Variants in YAP1 observed in about 807,000 individuals in gnomAD.
YAP1 encodes the protein transcriptional coactivator YAP1.
YAP1 carries 5 observed loss-of-function variants against 56.9 expected under a neutral mutation model. The observed-to-expected ratio is 0.09, with a 90% confidence interval of 0.05 to 0.18. The LOEUF (loss-of-function observed/expected upper bound fraction) is 0.18. Among genes scored for constraint, YAP1 ranks in the 10% least tolerant of loss-of-function variants. YAP1 has a pLI of 1.00. For missense variants in YAP1, 539 were observed against 651.8 expected (o/e 0.83, Z 1.88); for synonymous variants, 265 against 248.1 (o/e 1.07, Z -0.64).
intron 2 of YAP1, among the ~76,000 whole-genome samples, chr11:102,129,816 T>TC (rs1314303629): frequency 1.1e-4 from 17 of 149,302 alleles, no homozygotes; most frequent in Admixed American, 2.0e-4. Flanking sequence ...TTTTTTTTTT[T>TC]CGAAATGGGG....
intron 3 of YAP1, among the ~76,000 whole-genome samples, chr11:102,180,090 A>G (rs1183647364): frequency 6.8e-6 from 1 of 147,774 alleles, no homozygotes; most frequent in Non-Finnish European, 1.5e-5. Context: ...GCTCACTGCA[A>G]CCTCCAACTC....
At chr11:102,159,617 G>A (rs576055750) in intron 2 of YAP1, among the ~76,000 whole-genome samples, 3 of 152,272 alleles carry the variant, frequency 2.0e-5, no homozygotes, top group African/African-American at 7.2e-5. Flanking sequence ...TGAAATTTTT[G>A]AGGGCTTTTT....
intron 2 of YAP1, among the ~76,000 whole-genome samples, chr11:102,136,651 C>T (rs1944691797): frequency 6.6e-6 from 1 of 152,114 alleles, no homozygotes; most frequent in Non-Finnish European, 1.5e-5. Flanking sequence ...CTGCACCGGG[C>T]TCATTTTTCT....
At chr11:102,124,730 T>C (rs974307981) in intron 2 of YAP1, among the ~76,000 whole-genome samples, 1 of 152,140 alleles carries the variant, frequency 6.6e-6, no homozygotes, top group African/African-American at 2.4e-5. Context: ...TTTTGTTTTC[T>C]TTTGTTTCTG....
chr11:102,227,410 T>C, intron 7 of YAP1, 59 bp from the exon 8 acceptor site: 1 of 1,199,362 alleles, frequency 8.3e-7, no homozygotes, highest in Non-Finnish European at 1.2e-6. Context: ...TGTTTATTTT[T>C]ACCTTGAATT....
chr11:102,131,504 A>T (rs1944365984), intron 2 of YAP1, among the ~76,000 whole-genome samples: 2 of 152,186 alleles, frequency 1.3e-5, no homozygotes, highest in Admixed American at 6.5e-5. Context: ...ATAAAGAGAG[A>T]TCTTGCTGTC....
chr11:102,140,191 T>TAA (rs10692005), intron 2 of YAP1, among the ~76,000 whole-genome samples: 73,779 of 149,318 alleles, frequency 0.49, 19,987 homozygotes, highest in South Asian at 0.69. Context: ...TCTGTCCCTG[T>TAA]AAAAAAAAAA....
chr11:102,206,114 G>T, intron 5 of YAP1, 40 bp downstream of exon 5: 1 of 1,574,822 alleles, frequency 6.3e-7, no homozygotes, highest in South Asian at 1.2e-5. Flanking sequence ...CACTTTTGGG[G>T]GTTTGTTTTC....
chr11:102,174,305 C>A (rs1018449367), intron 3 of YAP1, among the ~76,000 whole-genome samples: 10 of 151,902 alleles, frequency 6.6e-5, no homozygotes, highest in Non-Finnish European at 1.2e-4. Context: ...TTTCTTAAAT[C>A]TATTATTTAC....
intron 3 of YAP1, among the ~76,000 whole-genome samples, chr11:102,170,591 T>C (rs537510012): frequency 6.6e-6 from 1 of 152,204 alleles, no homozygotes; most frequent in Non-Finnish European, 1.5e-5. Context: ...AGCACAGATA[T>C]CAAATATTTT....
At chr11:102,213,358 C>T (rs192083721) in intron 6 of YAP1, among the ~76,000 whole-genome samples, 3 of 152,182 alleles carry the variant, frequency 2.0e-5, no homozygotes, top group East Asian at 1.9e-4. Context: ...GTGGGGCGGG[C>T]GCCTTTAATC....
intron 3 of YAP1, among the ~76,000 whole-genome samples, chr11:102,179,241 T>G (rs1947443791): frequency 6.6e-6 from 1 of 152,130 alleles, no homozygotes; most frequent in African/African-American, 2.4e-5. Context: ...AAGAAGACTT[T>G]GGTATTGGTG....
At chr11:102,200,226 G>T (rs919106257) in intron 4 of YAP1, among the ~76,000 whole-genome samples, 1 of 152,152 alleles carries the variant, frequency 6.6e-6, no homozygotes, top group Non-Finnish European at 1.5e-5. Context: ...CTATGATAAA[G>T]ATGAGGGGAA....
intron 2 of YAP1, among the ~76,000 whole-genome samples, chr11:102,126,088 T>G (rs1011524134): frequency 6.6e-6 from 1 of 152,040 alleles, no homozygotes; most frequent in Non-Finnish European, 1.5e-5. Context: ...CAGGTCTGTT[T>G]CTCTGAAATC....
At chr11:102,157,226 C>T (rs1026933307) in intron 2 of YAP1, among the ~76,000 whole-genome samples, 2 of 152,156 alleles carry the variant, frequency 1.3e-5, no homozygotes, top group African/African-American at 4.8e-5. Context: ...ATAGTATATG[C>T]ATAATCACTG....
In YAP1 at chr11:102,140,319, A is replaced by G. The variant is rs188531525; in HGVS notation, c.573-22137A>G. ...TTTCATTTCAAGAAAGCAACAATTGATAGGAATTATGTTTTGAGGATTGAA... is the reference window on the plus strand; with the variant it reads ...TTTCATTTCAAGAAAGCAACAATTGGTAGGAATTATGTTTTGAGGATTGAA... On this transcript the variant is annotated intron_variant, in intron 2 of 8. Coordinates refer to ENST00000282441, the MANE Select transcript of YAP1 (RefSeq NM_001130145.3). Among the ~76,000 whole-genome samples, 30 of 152,294 alleles carry G rather than the reference A, an allele frequency of 2.0e-4. 1 individual carries two copies. In the East Asian group the frequency reaches 5.0e-3, roughly 25 times the overall value.
intron 2 of YAP1, among the ~76,000 whole-genome samples, chr11:102,119,058 G>C (rs1432637174): frequency 6.6e-6 from 1 of 151,696 alleles, no homozygotes; most frequent in African/African-American, 2.4e-5. Context: ...CCCTATTTGA[G>C]GGAAGGCCAG....
At chr11:102,146,317 C>T (rs1221448670) in intron 2 of YAP1, among the ~76,000 whole-genome samples, 1 of 152,174 alleles carries the variant, frequency 6.6e-6, no homozygotes, top group African/African-American at 2.4e-5. Context: ...GCCACCACAC[C>T]CGGCCTCTAG....
chr11:102,111,294 G>C, intron 1 of YAP1, 125 bp downstream of exon 1: 1 of 1,147,934 alleles, frequency 8.7e-7, no homozygotes, highest in Non-Finnish European at 1.2e-6. Flanking sequence ...GCTGGGGTGG[G>C]GGTCCCGAGG....
Sources: allele counts gnomAD v4.1 joint callset (sites outside exome capture counted in the v4.1 genomes callset), GRCh38; gene constraint gnomAD v4.1.1; transcripts MANE v1.5; gene names NCBI Gene and HGNC (gene_info 2026-07-23, HGNC 2026-07-21).